AKAP6: variants seen among roughly 807,000 people sequenced by gnomAD.
The protein encoded by AKAP6 is A-kinase anchoring protein 6.
AKAP6 carries 58 observed loss-of-function variants against 188.5 expected under a neutral mutation model. The observed-to-expected ratio is 0.31, with a 90% CI of 0.25 to 0.38. The LOEUF (loss-of-function observed/expected upper bound fraction) is 0.38. Among genes scored for constraint, AKAP6 ranks in the 10% least tolerant of loss-of-function variants. The probability of loss-of-function intolerance (pLI) is 1.00; values close to 1 mark genes in which losing one functional copy is unlikely to be tolerated. For missense variants in AKAP6, 2,710 were observed against 2,740.0 expected (o/e 0.99, Z 0.24); for synonymous variants, 989 against 998.6 (o/e 0.99, Z 0.18).
chr14:32,335,849 T>G (rs1886678522), intron 1 of AKAP6, among the ~76,000 whole-genome samples: 1 of 149,888 alleles, frequency 6.7e-6, no homozygotes, highest in African/African-American at 2.4e-5. Flanking sequence ...CTCCTTTTTT[T>G]TTTTTTTTTT....
At chr14:32,405,857 C>G (rs1889274284) in intron 1 of AKAP6, among the ~76,000 whole-genome samples, 2 of 152,266 alleles carry the variant, frequency 1.3e-5, no homozygotes, top group South Asian at 4.1e-4. Flanking sequence ...ATGAGATTAC[C>G]CGGTCTCCTG....
chr14:32,575,115 T>G (rs1884660020), intron 4 of AKAP6, among the ~76,000 whole-genome samples: 1 of 152,108 alleles, frequency 6.6e-6, no homozygotes, highest in East Asian at 1.9e-4. Context: ...AAGACTGAGC[T>G]TGAGTAAGTG....
chr14:32,359,203 G>A (rs569464402), intron 1 of AKAP6, among the ~76,000 whole-genome samples: 65 of 152,276 alleles, frequency 4.3e-4, no homozygotes, highest in African/African-American at 1.5e-3. Context: ...TTTTGGGGAA[G>A]TACAGGATGA....
chr14:32,530,649 A>G (rs2139097348), intron 2 of AKAP6, among the ~76,000 whole-genome samples: 1 of 152,314 alleles, frequency 6.6e-6, no homozygotes, highest in Non-Finnish European at 1.5e-5. Flanking sequence ...AATTAGCAGG[A>G]ACTGAGAAGT....
At chr14:32,474,062 T>G (rs1815235) in intron 2 of AKAP6, 103,590 of 151,888 alleles carry the variant, frequency 0.68, 36,452 homozygotes, top group East Asian at 0.88. Flanking sequence ...CGTGCCTGGC[T>G]AATTTTTGTA....
chr14:32,515,359 C>G (rs1881467307), intron 2 of AKAP6, among the ~76,000 whole-genome samples: 1 of 152,078 alleles, frequency 6.6e-6, no homozygotes, highest in Non-Finnish European at 1.5e-5. Context: ...GGGGACACAG[C>G]AAAACTATAT....
In AKAP6 at chr14:32,546,947, T is replaced by G; in HGVS notation, c.2294T>G (p.Met765Arg). Residue 765 changes from methionine to arginine, a missense_variant, in exon 4 of 14, where the codon ATG becomes AGG. Met to Arg is a moderately conservative substitution (Grantham distance 91). Coordinates refer to ENST00000280979, the MANE Select transcript of AKAP6 (RefSeq NM_004274.5). Reference sequence around the variant, plus strand: ...AAATCAGCTTTAATTCAGAAACTGATGCAAGATATTCAGCACCAAGACAAC... The same window carrying G: ...AAATCAGCTTTAATTCAGAAACTGAGGCAAGATATTCAGCACCAAGACAAC... ...ATKSALIQKL[M>R]QDIQHQDNYE... is the part of the protein sequence containing the mutation. The G allele has an allele frequency of 5.0e-6, 8 of 1,610,308 alleles. No individual in the cohort carries two copies. Among genetic ancestry groups the G allele is most frequent in the Non-Finnish European group, 6.8e-6 (8 of 1,179,918 alleles).
intron 1 of AKAP6, among the ~76,000 whole-genome samples, chr14:32,409,380 C>T (rs998072758): frequency 6.6e-6 from 1 of 152,156 alleles, no homozygotes; most frequent in Non-Finnish European, 1.5e-5. Flanking sequence ...AATTCTTGAA[C>T]TGAAACAGAT....
chr14:32,797,398 G>T (rs2033803592), intron 12 of AKAP6, among the ~76,000 whole-genome samples: 1 of 152,162 alleles, frequency 6.6e-6, no homozygotes, highest in African/African-American at 2.4e-5. Context: ...TAAAGAATAT[G>T]TGGTAGATAT....
intron 1 of AKAP6, among the ~76,000 whole-genome samples, chr14:32,420,784 C>T (rs1889815754): frequency 6.6e-6 from 1 of 152,056 alleles, no homozygotes; most frequent in Non-Finnish European, 1.5e-5. Context: ...TTCCCTTCCT[C>T]TTCACTCTGG....
At chr14:32,367,989 A>G (rs1488978286) in intron 1 of AKAP6, among the ~76,000 whole-genome samples, 1 of 152,166 alleles carries the variant, frequency 6.6e-6, no homozygotes, top group Non-Finnish European at 1.5e-5. Context: ...AAAAAGCCCA[A>G]ACTTCTTGTT....
intron 2 of AKAP6, among the ~76,000 whole-genome samples, chr14:32,529,369 T>C (rs1300380336): frequency 2.6e-5 from 4 of 152,236 alleles, no homozygotes; most frequent in African/African-American, 9.6e-5. Context: ...GTCTACTTTT[T>C]TTTTCCATCC....
At chr14:32,550,842 A>T (rs1830417310) in intron 4 of AKAP6, among the ~76,000 whole-genome samples, 1 of 152,170 alleles carries the variant, frequency 6.6e-6, no homozygotes, top group Admixed American at 6.5e-5. Context: ...CTCCTGTTCC[A>T]TTCTGGTTCT....
chr14:32,452,393 T>G (rs1363274729), intron 2 of AKAP6, among the ~76,000 whole-genome samples: 1 of 152,208 alleles, frequency 6.6e-6, no homozygotes, highest in Non-Finnish European at 1.5e-5. Flanking sequence ...TTAATATATT[T>G]TCCTAGTCTC....
In AKAP6 at chr14:32,813,399, C is replaced by G. The variant is rs1041963846; in HGVS notation, c.3589-8003C>G. On this transcript the variant is annotated intron_variant, in intron 12 of 13. Transcript: ENST00000280979. ...TTCATCTCTAACCCTACCCCCCCCCCCAACCCCTTTCCCAGAGGTCCTTCG... is the reference window on the plus strand; with the variant it reads ...TTCATCTCTAACCCTACCCCCCCCCGCAACCCCTTTCCCAGAGGTCCTTCG... Among the ~76,000 whole-genome samples, 26 of 125,024 alleles carry G rather than the reference C, an allele frequency of 2.1e-4. 3 individuals are homozygous for G. Among genetic ancestry groups the G allele is most frequent in the East Asian group, 1.2e-3 (4 of 3,414 alleles). 82.0% of individuals were successfully genotyped at this position (125,024 alleles called of 152,430 possible).
At chr14:32,433,057 G>A in intron 1 of AKAP6, 1 of 173,880 alleles carries the variant, frequency 5.8e-6, no homozygotes, top group Non-Finnish European at 1.3e-5. Flanking sequence ...TCAGCTCCCT[G>A]TAAGCAGCTC....
intron 2 of AKAP6, among the ~76,000 whole-genome samples, chr14:32,509,634 CTT>C (rs1367368196): frequency 1.3e-5 from 2 of 152,210 alleles, no homozygotes; most frequent in South Asian, 2.1e-4. Context: ...TGGGTGCACT[CTT>C]TTAAATTACA....
intron 2 of AKAP6, among the ~76,000 whole-genome samples, chr14:32,468,868 AT>A (rs1270146741): frequency 6.6e-6 from 1 of 152,146 alleles, no homozygotes; most frequent in African/African-American, 2.4e-5. Flanking sequence ...CAAAATTATT[AT>A]TTCTAGGATA....
intron 5 of AKAP6, among the ~76,000 whole-genome samples, chr14:32,597,996 A>G (rs1012497960): frequency 2.0e-5 from 3 of 152,144 alleles, no homozygotes; most frequent in Non-Finnish European, 4.4e-5. Flanking sequence ...CTCTAGTAAC[A>G]TGTTCAGTTG....
Sources: allele counts gnomAD v4.1 joint callset (sites outside exome capture counted in the v4.1 genomes callset), GRCh38; gene constraint gnomAD v4.1.1; transcripts MANE v1.5; gene names NCBI Gene and HGNC (gene_info 2026-07-23, HGNC 2026-07-21).